The following UBA6 variants were observed in gnomAD, a reference collection of about 807,000 sequenced individuals.
UBA6 encodes ubiquitin like modifier activating enzyme 6, also known as ubiquitin-like modifier-activating enzyme 6.
A neutral mutation model predicts 148.3 loss-of-function variants in UBA6; 87 were observed. The ratio of observed to expected loss-of-function variants is 0.59; its 90% CI spans 0.49 to 0.70. The LOEUF is 0.70. Among genes scored for constraint, UBA6 ranks in the 30% least tolerant of loss-of-function variants. The pLI, the probability that UBA6 is intolerant of heterozygous loss-of-function variation, is 0.00. For missense variants in UBA6, 1,186 were observed against 1,241.2 expected, an observed-to-expected ratio of 0.96 and a Z score of 0.67; for synonymous variants, 376 against 401.0, an observed-to-expected ratio of 0.94 and a Z score of 0.75.
chr4:67,676,184 C>T (rs543681767), intron 6 of UBA6, among the ~76,000 whole-genome samples: 16 of 152,002 alleles, frequency 1.1e-4, no homozygotes, highest in Admixed American at 7.2e-4. Flanking sequence ...CCACCACGCC[C>T]GGCTAATTTT....
rs1477022217 is a variant in UBA6, at chr4:67,624,118, A to T, written c.2840+8T>A. Reference sequence around the variant, plus strand: ...CATTATACAAGAGAAATAGACTTTCATACATACCTGATTTTAGTTTTCCTT... The same window carrying T: ...CATTATACAAGAGAAATAGACTTTCTTACATACCTGATTTTAGTTTTCCTT... On this transcript the variant is annotated splice_region_variant and intron_variant, in intron 30 of 32. Transcript: ENST00000322244. The T allele has an allele frequency of 1.9e-6, 3 of 1,575,184 alleles. No homozygotes were observed. The Admixed American group carries it at 5.7e-5, about 30-fold the overall frequency.
At chr4:67,685,528 A>G (rs540787633) in intron 2 of UBA6, among the ~76,000 whole-genome samples, 1 of 152,270 alleles carries the variant, frequency 6.6e-6, no homozygotes, top group East Asian at 1.9e-4. Flanking sequence ...GGAGGTAATA[A>G]AAGTATTTTG....
At chr4:67,653,226 A>G (rs142322993) in intron 13 of UBA6, among the ~76,000 whole-genome samples, 44 of 152,298 alleles carry the variant, frequency 2.9e-4, no homozygotes, top group Non-Finnish European at 5.1e-4. Flanking sequence ...TGCCTCCTCA[A>G]TTGGGTCCCT....
At chr4:67,681,725 T>C (rs1189140754) in intron 3 of UBA6, 134 bp from the exon 4 acceptor site, 3 of 611,034 alleles carry the variant, frequency 4.9e-6, no homozygotes, top group Non-Finnish European at 8.4e-6. Context: ...GTTCCTTGTC[T>C]TAAAAAAGTT....
At chr4:67,648,922 A>C (rs756847531) in intron 14 of UBA6, 146 bp downstream of exon 14, 20 of 773,152 alleles carry the variant, frequency 2.6e-5, no homozygotes, top group Non-Finnish European at 4.0e-5. Context: ...CATAGAATCA[A>C]GTGTTGGAGG....
rs1303567072 is a variant in UBA6 at position 67,613,557 on chromosome 4, T to G, written c.*5440A>C. On this transcript the variant is annotated 3_prime_UTR_variant, in exon 33 of 33. Coordinates refer to ENST00000322244, the MANE Select transcript of UBA6 (RefSeq NM_018227.6). ...AAGGGGCTGAGAATAACCAAGATAC[T>G]CTAAAAGAACAATAAGTTGGGAGGA... is the stretch of plus-strand genomic sequence containing the variant. The G allele has an allele frequency of 6.6e-6, 1 of 152,108 alleles. No homozygotes were observed. Among genetic ancestry groups the G allele is most frequent in the Non-Finnish European group, 1.5e-5 (1 of 67,998 alleles). 9.4% of individuals were successfully genotyped at this position (152,108 alleles called of 1,614,324 possible).
In UBA6 at chr4:67,615,756, G is replaced by C. The variant is rs72642347; in HGVS notation, c.*3241C>G. The stretch of plus-strand genomic sequence containing the variant: ...ATCTTGAACAAATGCAGCTACAAAA[G>C]AATGTATGATTTTAAATAAAACTCA... On this transcript the variant is annotated 3_prime_UTR_variant, in exon 33 of 33. Transcript: ENST00000322244. The C allele has an allele frequency of 0.027, 4,834 of 178,298 alleles. 81 individuals are homozygous for C. The highest frequency in any genetic ancestry group is 0.039 in the Middle Eastern group (16 of 414). 11.0% of individuals were successfully genotyped at this position (178,298 alleles called of 1,614,324 possible). A position where few individuals can be genotyped will look rare whatever the true frequency, so the allele number is the denominator to read the frequency against.
chr4:67,624,615 T>C (rs1560476790), intron 29 of UBA6, among the ~76,000 whole-genome samples: 1 of 152,066 alleles, frequency 6.6e-6, no homozygotes, highest in African/African-American at 2.4e-5. Flanking sequence ...AGTAATGATG[T>C]AATATGGTAT....
chr4:67,630,505 T>G lies in UBA6; in HGVS notation c.2289A>C (p.Lys763Asn), dbSNP rs368119089. 6.3e-7 allele frequency: 1 copy of G among 1,587,360 alleles called. No homozygotes were observed. Among genetic ancestry groups the G allele is most frequent in the Non-Finnish European group, 8.6e-7 (1 of 1,167,272 alleles). ...GAATACAATATACTGTAGCATATAG[T>G]TTTGCAGCATTCTGAAGGAAACTGA... ...LHLSFLQNAA[K>N]LYATVYCIPF... Residue 763 changes from lysine (K) to asparagine (N), a missense_variant, in exon 26 of 33, where the codon AAA (lysine) becomes AAC (asparagine). Lys to Asn is a moderately conservative substitution (Grantham distance 94). Transcript: ENST00000322244.
chr4:67,673,821 A>G, intron 6 of UBA6, 44 bp from the exon 7 acceptor site: 1 of 1,370,400 alleles, frequency 7.3e-7, no homozygotes, highest in South Asian at 1.2e-5. Flanking sequence ...ATACATAATT[A>G]TTTTTTGTAG....
intron 3 of UBA6, 33 bp from the exon 4 acceptor site, chr4:67,681,624 T>C: frequency 4.6e-6 from 7 of 1,512,398 alleles, no homozygotes; most frequent in Non-Finnish European, 6.3e-6. Flanking sequence ...AATAGCTCAA[T>C]ATTGGGAATA....
chr4:67,635,085 C>A (rs1276560269), intron 20 of UBA6, among the ~76,000 whole-genome samples: 1 of 151,746 alleles, frequency 6.6e-6, no homozygotes, highest in Admixed American at 6.6e-5. Context: ...TATTGGTTTA[C>A]CTAATCTAAA....
intron 30 of UBA6, among the ~76,000 whole-genome samples, chr4:67,623,764 C>T (rs1191146855): frequency 5.9e-5 from 9 of 151,658 alleles, no homozygotes; most frequent in African/African-American, 2.2e-4. Context: ...TTGGTTGTTG[C>T]CAATCTGAAA....
At position 67,621,318 on chromosome 4, in the gene UBA6, T is replaced by C. The variant is rs72501207; in HGVS notation, c.3023+1513A>G. The stretch of plus-strand genomic sequence containing the variant: ...AATGATTAACCTCAACTGATTATCA[T>C]AGTTAAAGCCAATAGATACGTTAAA... On this transcript the variant is annotated intron_variant, in intron 32 of 32. Coordinates refer to ENST00000322244, the MANE Select transcript of UBA6 (RefSeq NM_018227.6). 1.1e-3 allele frequency among the ~76,000 whole-genome samples: 175 copies of C among 152,366 alleles called. 3 individuals carry two copies. The East Asian group carries it at 0.032, about 28-fold the overall frequency.
chr4:67,662,372 G>A lies in UBA6; in HGVS notation c.1038-117C>T, dbSNP rs534341983. ...AAAGAATGTGGGATTTTTGCCAACA[G>A]GTAGCACAAAATGTTGTACTGATTT... On this transcript the variant is annotated intron_variant, in intron 12 of 32. Transcript: ENST00000322244. 1.0e-5 allele frequency: 8 copies of A among 776,394 alleles called. No homozygotes were observed. The South Asian group carries it at 1.2e-4, about 12-fold the overall frequency. The allele number at this position is 776,394 out of a possible 1,614,324, so 48.1% of individuals were successfully genotyped here.
At position 67,613,523 on chromosome 4, in the gene UBA6, T is replaced by C. The variant is rs1228870501; in HGVS notation, c.*5474A>G. On this transcript the variant is annotated 3_prime_UTR_variant, in exon 33 of 33. Coordinates refer to ENST00000322244, the MANE Select transcript of UBA6 (RefSeq NM_018227.6). The stretch of plus-strand genomic sequence containing the variant: ...TGCTTTCAATTAGAAATATGAGAAC[T>C]GAAAATACAAGGGGCTGAGAATAAC... 6.6e-6 allele frequency: 1 copy of C among 152,056 alleles called. No homozygotes were observed. The highest frequency in any genetic ancestry group is 2.4e-5 in the African/African-American group (1 of 41,404). 9.4% of individuals were successfully genotyped at this position (152,056 alleles called of 1,614,324 possible). A position where few individuals can be genotyped will look rare whatever the true frequency, so the allele number is the denominator to read the frequency against.
Position 67,614,010 on chromosome 4 carries a change from A to G in UBA6, c.*4987T>C, listed in dbSNP as rs1396192787. 1.3e-5 allele frequency: 2 copies of G among 152,024 alleles called. No homozygotes were observed. The highest frequency in any genetic ancestry group is 4.8e-5 in the African/African-American group (2 of 41,386). 9.4% of individuals were successfully genotyped at this position (152,024 alleles called of 1,614,324 possible). On this transcript the variant is annotated 3_prime_UTR_variant, in exon 33 of 33. Transcript: ENST00000322244. The stretch of plus-strand genomic sequence containing the variant: ...CCTTTCCAAATCCAGGAGATAATCA[A>G]CTAAGACCCAGGCATCCTTTTAGGT...
rs1024683420 is a variant in UBA6, at chr4:67,678,096, ATATAT to A, written c.353+338_353+342del. 2.9e-3 allele frequency among the ~76,000 whole-genome samples: 421 copies of A among 147,428 alleles called. 2 individuals carry two copies. Among genetic ancestry groups the A allele is most frequent in the African/African-American group, 9.7e-3 (394 of 40,786 alleles). ...TTTATATATATAATATATATAAAAGATATATTATATGTAATATATATTATATAATA... is the reference window on the plus strand; with the variant it reads ...TTTATATATATAATATATATAAAAGATATATGTAATATATATTATATAATA... On this transcript the variant is annotated intron_variant, in intron 5 of 32. Coordinates refer to ENST00000322244, the MANE Select transcript of UBA6 (RefSeq NM_018227.6).
In UBA6 at chr4:67,662,310, T is replaced by C. The variant is rs1031908808; in HGVS notation, c.1038-55A>G. 8 of 1,454,374 alleles carry C rather than the reference T, an allele frequency of 5.5e-6. No individual in the cohort carries two copies. In the African/African-American group the frequency reaches 9.9e-5, roughly 18 times the overall value. The allele number at this position is 1,454,374 out of a possible 1,614,324, so 90.1% of individuals were successfully genotyped here. On this transcript the variant is annotated intron_variant, in intron 12 of 32. Transcript: ENST00000322244. Reference sequence around the variant, plus strand: ...TAATTTTCTCAACTGCCATAAACAGTAGGACATACTCAAAATTAAAATTTA... The same window carrying C: ...TAATTTTCTCAACTGCCATAAACAGCAGGACATACTCAAAATTAAAATTTA...
Sources: gnomAD v4.1 joint callset for allele counts (sites outside exome capture counted in the v4.1 genomes callset) on GRCh38, gnomAD v4.1.1 for gene constraint, MANE v1.5 for transcripts, NCBI Gene and HGNC (gene_info 2026-07-23, HGNC 2026-07-21) for gene names.